SH2B2: variants seen among roughly 807,000 people sequenced by gnomAD.
The protein encoded by SH2B2 is SH2B adaptor protein 2.
SH2B2 carries 37 observed loss-of-function variants against 35.7 expected under a neutral mutation model. That is an observed-to-expected ratio of 1.04 (90% CI 0.80 to 1.36). The LOEUF is 1.36. Among genes scored for constraint, SH2B2 ranks in the 40% most tolerant of loss-of-function variants. The probability of loss-of-function intolerance (pLI) is 0.00; values close to 1 mark genes in which losing one functional copy is unlikely to be tolerated. For synonymous variants in SH2B2, 383 were observed against 376.4 expected (o/e 1.02, Z -0.20); for missense variants, 852 against 817.7 (o/e 1.04, Z -0.51).
At chr7:102,301,334 C>A in intron 2 of SH2B2, 55 bp downstream of exon 2, 2 of 1,535,452 alleles carry the variant, frequency 1.3e-6, no homozygotes, top group Non-Finnish European at 1.8e-6. Context: ...GGCACCTGGG[C>A]AGCAGCTGAG....
chr7:102,314,391 C>T lies in SH2B2; in HGVS notation c.979C>T (p.Arg327Cys), dbSNP rs1024801792. 2.3e-5 allele frequency: 9 copies of T among 398,666 alleles called. No individual in the cohort carries two copies. Among genetic ancestry groups the T allele is most frequent in the African/African-American group, 1.6e-4 (8 of 48,596 alleles). The allele number at this position is 398,666 out of a possible 1,614,324, so 24.7% of individuals were successfully genotyped here. The change falls in exon 5 of 9, where the codon CGC (arginine) becomes TGC (cysteine). Residue 327 changes from arginine (R) to cysteine (C), a missense_variant. Coordinates refer to ENST00000444095, the MANE Select transcript of SH2B2 (RefSeq NM_001359228.2). ...TACCCGAGGAGGCTGTCTGGCCAGCCGCGTGGCCTCCTGCAGCTGTGAGCT... is the reference window on the plus strand; with the variant it reads ...TACCCGAGGAGGCTGTCTGGCCAGCTGCGTGGCCTCCTGCAGCTGTGAGCT... ...SCTRGGCLAS[R>C]VASCSCELLT...
At chr7:102,312,857 C>G (rs6956640) in intron 4 of SH2B2, among the ~76,000 whole-genome samples, 7 of 151,812 alleles carry the variant, frequency 4.6e-5, no homozygotes, top group African/African-American at 1.7e-4. Context: ...GGGCCGGGCG[C>G]GGTGGCTCAT....
chr7:102,317,228 C>T lies in SH2B2; in HGVS notation c.1228C>T (p.Leu410=). Residue 410 remains leucine, a synonymous_variant, in exon 7 of 9, where the codon CTG becomes TTG. Transcript: ENST00000444095. ...GACGGATCCCGAGGCTGAACCCGAG[C>T]TGGAGCTATCCGACTACCCATGGTT... is the stretch of plus-strand genomic sequence containing the variant. ...AETDPEAEPE[L]ELSDYPWFHG... 1 of 1,611,376 alleles carries T rather than the reference C, an allele frequency of 6.2e-7. No individual in the cohort carries two copies. Among genetic ancestry groups the T allele is most frequent in the South Asian group, 1.1e-5 (1 of 90,386 alleles).
In SH2B2 at chr7:102,301,189, G is replaced by C; in HGVS notation, c.639G>C (p.Gly213=). The change falls in exon 2 of 9, where the codon GGG becomes GGC. Residue 213 remains glycine, a synonymous_variant. Transcript: ENST00000444095. The part of the protein sequence containing the change: ...MVADDAAAGS[G]GSAQWQKCRL... ...CCGACGACGCGGCCGCGGGCTCCGGGGGCTCGGCTCAGTGGCAGAAGTGCC... is the reference window on the plus strand; with the variant it reads ...CCGACGACGCGGCCGCGGGCTCCGGCGGCTCGGCTCAGTGGCAGAAGTGCC... 1.3e-6 allele frequency: 2 copies of C among 1,585,978 alleles called. No individual in the cohort carries two copies. Among genetic ancestry groups the C allele is most frequent in the Non-Finnish European group, 1.7e-6 (2 of 1,168,222 alleles).
chr7:102,318,329 G>C (rs527574026), intron 7 of SH2B2, among the ~76,000 whole-genome samples: 1 of 152,268 alleles, frequency 6.6e-6, no homozygotes, highest in African/African-American at 2.4e-5. Context: ...AGTAGAGACA[G>C]GGTTTCACCA....
intron 7 of SH2B2, among the ~76,000 whole-genome samples, chr7:102,318,392 G>C (rs1554557570): frequency 6.6e-6 from 1 of 152,200 alleles, no homozygotes; most frequent in Non-Finnish European, 1.5e-5. Flanking sequence ...ACCCACCTCA[G>C]CCTCCCAAAG....
At chr7:102,309,473 G>T in intron 4 of SH2B2, 1 of 295,872 alleles carries the variant, frequency 3.4e-6, no homozygotes, top group Non-Finnish European at 6.6e-6. Flanking sequence ...CAATTTTCCT[G>T]CCTCAGCCTC....
intron 4 of SH2B2, among the ~76,000 whole-genome samples, chr7:102,312,535 T>C (rs1319290286): frequency 2.0e-5 from 3 of 152,188 alleles, no homozygotes; most frequent in Non-Finnish European, 4.4e-5. Context: ...TCTTGGCCTC[T>C]CTGAGTAGCA....
intron 2 of SH2B2, among the ~76,000 whole-genome samples, chr7:102,306,090 G>A (rs1793385514): frequency 6.7e-6 from 1 of 148,908 alleles, no homozygotes; most frequent in Non-Finnish European, 1.5e-5. Flanking sequence ...TTTTTGTTTC[G>A]TTTTTTTTTC....
chr7:102,290,348 A>G (rs1424286899), intron 1 of SH2B2, among the ~76,000 whole-genome samples: 2 of 29,436 alleles, frequency 6.8e-5, no homozygotes, highest in Non-Finnish European at 1.5e-4. Flanking sequence ...TGCAACCTCC[A>G]CCACCTCTGG....
At chr7:102,290,760 G>T (rs1792645466) in intron 1 of SH2B2, among the ~76,000 whole-genome samples, 1 of 152,214 alleles carries the variant, frequency 6.6e-6, no homozygotes. Context: ...TTTAACAGGG[G>T]CATGGCCCAC....
chr7:102,293,699 C>T (rs1336761882), intron 1 of SH2B2, among the ~76,000 whole-genome samples: 1 of 151,890 alleles, frequency 6.6e-6, no homozygotes, highest in African/African-American at 2.4e-5. Flanking sequence ...TGTCCCTAGT[C>T]CCAATGGAAT....
chr7:102,291,713 T>C (rs1164119359), intron 1 of SH2B2, among the ~76,000 whole-genome samples: 2 of 152,062 alleles, frequency 1.3e-5, no homozygotes, highest in Non-Finnish European at 2.9e-5. Flanking sequence ...GCCTACCTTG[T>C]GGGGATGTGG....
intron 1 of SH2B2, among the ~76,000 whole-genome samples, chr7:102,300,062 C>T (rs1793082728): frequency 6.6e-6 from 1 of 152,236 alleles, no homozygotes; most frequent in South Asian, 2.1e-4. Context: ...GGACTACAGG[C>T]GTGTGCCACC....
chr7:102,301,338 A>C, intron 2 of SH2B2, 59 bp downstream of exon 2: 1 of 1,525,840 alleles, frequency 6.6e-7, no homozygotes, highest in Non-Finnish European at 8.8e-7. Context: ...CCTGGGCAGC[A>C]GCTGAGGGTG....
chr7:102,287,009 G>A lies in SH2B2; in HGVS notation c.-115G>A, dbSNP rs1792482007. ...GAGCCCAGTCCGCCGCGGGCCATGAGCCACCGGGCCCGGGGAGCCCGGCCG... is the reference window on the plus strand; with the variant it reads ...GAGCCCAGTCCGCCGCGGGCCATGAACCACCGGGCCCGGGGAGCCCGGCCG... On this transcript the variant is annotated 5_prime_UTR_variant, in exon 1 of 9. Transcript: ENST00000444095. 6.6e-6 allele frequency: 1 copy of A among 151,154 alleles called. No homozygotes were observed. The highest frequency in any genetic ancestry group is 2.1e-4 in the South Asian group (1 of 4,830). The allele number at this position is 151,154 out of a possible 1,614,324, so 9.4% of individuals were successfully genotyped here.
intron 1 of SH2B2, among the ~76,000 whole-genome samples, chr7:102,290,505 T>C (rs1218174320): frequency 2.6e-5 from 4 of 152,154 alleles, no homozygotes; most frequent in Non-Finnish European, 4.4e-5. Flanking sequence ...CCTCAAGTGA[T>C]CCGCCCTCCT....
chr7:102,298,090 G>A (rs1456650475), intron 1 of SH2B2, among the ~76,000 whole-genome samples: 1 of 152,148 alleles, frequency 6.6e-6, no homozygotes, highest in East Asian at 1.9e-4. Flanking sequence ...GGCAGGTCCA[G>A]CCAGGGAAGA....
At chr7:102,303,395 A>G (rs373995258) in intron 2 of SH2B2, among the ~76,000 whole-genome samples, 3 of 152,048 alleles carry the variant, frequency 2.0e-5, no homozygotes. Flanking sequence ...CACCTCCCGC[A>G]TCAGGGCCCA....
Sources: allele counts gnomAD v4.1 joint callset (sites outside exome capture counted in the v4.1 genomes callset), GRCh38; gene constraint gnomAD v4.1.1; transcripts MANE v1.5; gene names NCBI Gene and HGNC (gene_info 2026-07-23, HGNC 2026-07-21).